Variants in LUZP2 observed in about 807,000 individuals in gnomAD.
LUZP2 encodes leucine zipper protein 2.
Under a neutral mutation model 51.6 loss-of-function variants are expected in LUZP2, and 52 were observed. The observed-to-expected ratio is 1.01, with a 90% confidence interval of 0.81 to 1.27. The LOEUF is 1.27. Among genes scored for constraint, LUZP2 ranks in the 50% most tolerant of loss-of-function variants. LUZP2 has a pLI of 0.00. For synonymous variants in LUZP2, 154 were observed against 137.3 expected (o/e 1.12, Z -0.85); for missense variants, 436 against 395.4 (o/e 1.10, Z -0.87).
At position 24,532,129 on chromosome 11, in the gene LUZP2, A is replaced by T. The variant is rs190595497; in HGVS notation, c.62+34824A>T. Among the ~76,000 whole-genome samples, 408 of 150,704 alleles carry T rather than the reference A, an allele frequency of 2.7e-3. 5 individuals are homozygous for T. Among genetic ancestry groups the T allele is most frequent in the African/African-American group, 8.7e-3 (360 of 41,390 alleles). On this transcript the variant is annotated intron_variant, in intron 1 of 11. Transcript: ENST00000336930. Reference sequence around the variant, plus strand: ...ATTATCAATATTTTGCCACTTTTTTAAATTTTTCCACCATTATTTGTGTAC... The same window carrying T: ...ATTATCAATATTTTGCCACTTTTTTTAATTTTTCCACCATTATTTGTGTAC...
intron 7 of LUZP2, among the ~76,000 whole-genome samples, chr11:24,957,873 T>G (rs1040035974): frequency 4.0e-4 from 61 of 152,188 alleles, no homozygotes; most frequent in African/African-American, 1.4e-3. Context: ...CATCTAGCAT[T>G]ACGTATATCT....
intron 9 of LUZP2, among the ~76,000 whole-genome samples, chr11:24,984,580 G>A (rs1334748943): frequency 4.7e-5 from 5 of 105,838 alleles, no homozygotes; most frequent in African/African-American, 6.7e-5. Flanking sequence ...ACAAGTTCAC[G>A]AAGGGAGGAG....
At chr11:24,602,041 T>TATGC (rs1853685456) in intron 1 of LUZP2, among the ~76,000 whole-genome samples, 3 of 142,674 alleles carry the variant, frequency 2.1e-5, no homozygotes, top group South Asian at 2.1e-4. Context: ...TATGTATATC[T>TATGC]GTATATATGT....
chr11:25,031,880 A>G lies in LUZP2; in HGVS notation c.766-18158A>G, dbSNP rs540137660. On this transcript the variant is annotated intron_variant, in intron 9 of 11. Transcript: ENST00000336930. ...AGTACATTTTAAAATTTACAAATAT[A>G]TGGTGGATTTTGTTAGATTACGTGA... 3.9e-5 allele frequency among the ~76,000 whole-genome samples: 6 copies of G among 152,288 alleles called. No individual in the cohort carries two copies. In the East Asian group the frequency reaches 5.8e-4, roughly 15 times the overall value.
intron 1 of LUZP2, among the ~76,000 whole-genome samples, chr11:24,593,256 T>C (rs1353642983): frequency 6.6e-6 from 1 of 152,204 alleles, no homozygotes; most frequent in Non-Finnish European, 1.5e-5. Flanking sequence ...ATGTCTTACA[T>C]TATAAATGTA....
chr11:24,559,400 C>T (rs1172885277), intron 1 of LUZP2, among the ~76,000 whole-genome samples: 1 of 152,178 alleles, frequency 6.6e-6, no homozygotes, highest in Non-Finnish European at 1.5e-5. Context: ...CTTCTACCCA[C>T]TTCAGTGGCT....
chr11:24,648,961 C>A (rs1339108313), intron 1 of LUZP2, among the ~76,000 whole-genome samples: 2 of 151,976 alleles, frequency 1.3e-5, no homozygotes, highest in East Asian at 3.9e-4. Context: ...AATTTTCAGT[C>A]CCTATTGGGA....
intron 9 of LUZP2, among the ~76,000 whole-genome samples, chr11:24,986,484 A>C (rs1590805226): frequency 6.6e-6 from 1 of 151,408 alleles, no homozygotes; most frequent in East Asian, 1.9e-4. Context: ...GAAATTGACT[A>C]ACACTATAAA....
At chr11:25,017,691 T>A (rs567876195) in intron 9 of LUZP2, among the ~76,000 whole-genome samples, 8 of 152,280 alleles carry the variant, frequency 5.3e-5, no homozygotes, top group African/African-American at 1.7e-4. Context: ...GGTAACACAA[T>A]ACCTCCAAGT....
At chr11:25,003,316 G>T (rs924157318) in intron 9 of LUZP2, among the ~76,000 whole-genome samples, 8 of 152,206 alleles carry the variant, frequency 5.3e-5, no homozygotes, top group African/African-American at 1.7e-4. Flanking sequence ...CACGTAAGTT[G>T]GGATGTGTGG....
At chr11:24,885,838 AG>A (rs1195687342) in intron 5 of LUZP2, among the ~76,000 whole-genome samples, 2 of 152,208 alleles carry the variant, frequency 1.3e-5, no homozygotes, top group African/African-American at 4.8e-5. Context: ...AGTGAAGAAT[AG>A]AAACCTCATA....
intron 1 of LUZP2, among the ~76,000 whole-genome samples, chr11:24,700,931 T>G (rs1857403117): frequency 6.6e-6 from 1 of 152,182 alleles, no homozygotes. Context: ...ATTTCCTCAA[T>G]GAGCTCTTCA....
intron 1 of LUZP2, among the ~76,000 whole-genome samples, chr11:24,547,738 C>T: frequency 6.6e-6 from 1 of 151,946 alleles, no homozygotes; most frequent in Non-Finnish European, 1.5e-5. Context: ...AATTAAAGAC[C>T]ACTGCACAGC....
chr11:24,862,722 C>G (rs986558797), intron 5 of LUZP2, among the ~76,000 whole-genome samples: 33 of 152,028 alleles, frequency 2.2e-4, no homozygotes, highest in Non-Finnish European at 1.9e-4. Context: ...ATAAACTGGA[C>G]TTCATCAGAA....
intron 1 of LUZP2, among the ~76,000 whole-genome samples, chr11:24,515,915 T>G (rs1299328589): frequency 6.6e-6 from 1 of 151,942 alleles, no homozygotes; most frequent in Admixed American, 6.6e-5. Flanking sequence ...TCCTGTCATG[T>G]TTTTTTTCTT....
Position 24,637,184 on chromosome 11 carries a change from C to T in LUZP2, c.63-91985C>T, listed in dbSNP as rs143768235. ...AATTGTTGTGGGAAGTCAGGGACCC[C>T]GAACAGAGAGATCGGCTGGAGCCTA... On this transcript the variant is annotated intron_variant, in intron 1 of 11. Coordinates refer to ENST00000336930, the MANE Select transcript of LUZP2 (RefSeq NM_001009909.4). 5.8e-3 allele frequency among the ~76,000 whole-genome samples: 881 copies of T among 151,680 alleles called. 31 individuals carry two copies. Among genetic ancestry groups the T allele is most frequent in the African/African-American group, 0.02 (834 of 41,132 alleles).
chr11:24,668,778 C>G (rs1240512647), intron 1 of LUZP2, among the ~76,000 whole-genome samples: 1 of 152,102 alleles, frequency 6.6e-6, no homozygotes, highest in Non-Finnish European at 1.5e-5. Flanking sequence ...CTCAACTTCT[C>G]TCATAAGAAA....
intron 4 of LUZP2, among the ~76,000 whole-genome samples, chr11:24,758,216 A>C (rs984098258): frequency 3.7e-4 from 57 of 152,218 alleles, no homozygotes; most frequent in African/African-American, 1.4e-3. Flanking sequence ...AACATGTCTT[A>C]TCTCTTCAGG....
At chr11:24,580,620 G>T (rs1311460416) in intron 1 of LUZP2, among the ~76,000 whole-genome samples, 1 of 151,880 alleles carries the variant, frequency 6.6e-6, no homozygotes, top group East Asian at 1.9e-4. Flanking sequence ...AAATTAAAAT[G>T]AGCTCAGTAA....
Sources: allele counts gnomAD v4.1 joint callset (sites outside exome capture counted in the v4.1 genomes callset), GRCh38; gene constraint gnomAD v4.1.1; transcripts MANE v1.5; gene names NCBI Gene and HGNC (gene_info 2026-07-23, HGNC 2026-07-21).